CDH10: variants seen among roughly 807,000 people sequenced by gnomAD.
The protein encoded by CDH10 is cadherin 10.
In CDH10, 30 loss-of-function variants were observed where a neutral mutation model predicts 73.1. That is an observed-to-expected ratio of 0.41 (90% CI 0.31 to 0.56). The LOEUF (loss-of-function observed/expected upper bound fraction) is 0.56. CDH10 is among the 20% of genes least tolerant of loss of function. The pLI is 0.27. For synonymous variants in CDH10, 345 were observed against 348.2 expected, an observed-to-expected ratio of 0.99 and a Z score of 0.10; for missense variants, 815 against 973.7, an observed-to-expected ratio of 0.84 and a Z score of 2.17.
Position 24,535,200 on chromosome 5 carries a change from C to T in CDH10, c.726G>A (p.Met242Ile), listed in dbSNP as rs1743906569. 6.2e-7 allele frequency: 1 copy of T among 1,613,382 alleles called. No homozygotes were observed. The highest frequency in any genetic ancestry group is 1.3e-5 in the African/African-American group (1 of 74,842). Residue 242 changes from methionine to isoleucine, a missense_variant, in exon 5 of 12, where the codon ATG becomes ATA. By Grantham distance (10) the Met-to-Ile change is conservative. This residue lies in a region of CDH10 where 516 missense variants were observed against 636.6 expected (regional missense o/e 0.81). Transcript: ENST00000264463. ...CCGATAAGCCTCCCATCTGGCCGCC[C>T]ATGTCTTTGGCCTGGATGACCACTT... is the stretch of plus-strand genomic sequence containing the variant. The part of the protein sequence containing the change: ...QYQVVIQAKD[M>I]GGQMGGLSGT...
intron 3 of CDH10, among the ~76,000 whole-genome samples, chr5:24,536,927 A>G (rs1743976342): frequency 6.6e-6 from 1 of 151,948 alleles, no homozygotes; most frequent in African/African-American, 2.4e-5. Context: ...AATTCTAATC[A>G]ATTTCCTCAA....
intron 1 of CDH10, among the ~76,000 whole-genome samples, chr5:24,621,651 T>C (rs1747319880): frequency 6.6e-6 from 1 of 152,208 alleles, no homozygotes; most frequent in Non-Finnish European, 1.5e-5. Context: ...GAAAGAGTCA[T>C]TTTGACTAAA....
At chr5:24,505,283 C>A (rs551532614) in intron 7 of CDH10, 35 bp from the exon 8 acceptor site, 1 of 1,591,562 alleles carries the variant, frequency 6.3e-7, no homozygotes, top group South Asian at 1.1e-5. Context: ...TACATGGCAG[C>A]ATTATTAATA....
chr5:24,586,896 G>C (rs1269780685), intron 2 of CDH10, among the ~76,000 whole-genome samples: 1 of 130,570 alleles, frequency 7.7e-6, no homozygotes, highest in Non-Finnish European at 1.6e-5. Context: ...CCAGGCTGGA[G>C]TGCAGTGGCG....
At chr5:24,555,757 G>A (rs6888670) in intron 2 of CDH10, among the ~76,000 whole-genome samples, 125,875 of 151,870 alleles carry the variant, frequency 0.83, 52,204 homozygotes, top group East Asian at 0.9. Flanking sequence ...AAATTAATCT[G>A]AGTGAATTAG....
At chr5:24,575,362 A>C (rs1044390786) in intron 2 of CDH10, among the ~76,000 whole-genome samples, 48 of 150,450 alleles carry the variant, frequency 3.2e-4, no homozygotes, top group Non-Finnish European at 6.9e-4. Flanking sequence ...CAACAAAAAA[A>C]AAAAAAAAAA....
chr5:24,599,838 C>G (rs1309258356), intron 1 of CDH10, among the ~76,000 whole-genome samples: 2 of 152,078 alleles, frequency 1.3e-5, no homozygotes, highest in East Asian at 3.9e-4. Context: ...CTTATCAGCA[C>G]TAATTTTTGA....
chr5:24,577,391 T>C (rs1434252870), intron 2 of CDH10, among the ~76,000 whole-genome samples: 1 of 151,948 alleles, frequency 6.6e-6, no homozygotes, highest in Admixed American at 6.6e-5. Context: ...AATATAGTTG[T>C]TCATTAATAC....
chr5:24,535,349 A>G (rs1414806543), intron 4 of CDH10, 70 bp from the exon 5 acceptor site: 10 of 1,425,424 alleles, frequency 7.0e-6, no homozygotes, highest in Admixed American at 2.3e-5. Context: ...TAAGTCCACA[A>G]AAAGTATTTT....
At chr5:24,550,891 C>A (rs954902448) in intron 2 of CDH10, among the ~76,000 whole-genome samples, 4 of 152,112 alleles carry the variant, frequency 2.6e-5, no homozygotes, top group Non-Finnish European at 5.9e-5. Context: ...CAACACAAAT[C>A]GTCCTAAGCC....
chr5:24,642,919 C>T (rs995180179), intron 1 of CDH10, among the ~76,000 whole-genome samples: 4 of 151,110 alleles, frequency 2.6e-5, no homozygotes, highest in Non-Finnish European at 5.9e-5. Context: ...GTATTTGAAA[C>T]CCAAGAAGTA....
At chr5:24,537,723 G>C (rs1029403732) in intron 2 of CDH10, 49 bp from the exon 3 acceptor site, 1 of 1,222,398 alleles carries the variant, frequency 8.2e-7, no homozygotes. Flanking sequence ...TAAAGGTGCA[G>C]GATGCTGAAA....
intron 2 of CDH10, among the ~76,000 whole-genome samples, chr5:24,555,217 G>A (rs1259023251): frequency 6.6e-6 from 1 of 152,134 alleles, no homozygotes; most frequent in African/African-American, 2.4e-5. Flanking sequence ...TGTGCCACTG[G>A]ATTTCCTAAA....
chr5:24,602,442 C>A (rs1746598222), intron 1 of CDH10, among the ~76,000 whole-genome samples: 1 of 152,156 alleles, frequency 6.6e-6, no homozygotes, highest in African/African-American at 2.4e-5. Flanking sequence ...TGCTGCTCAG[C>A]ATTTCCTGTC....
At chr5:24,631,264 T>G (rs1747696642) in intron 1 of CDH10, among the ~76,000 whole-genome samples, 1 of 152,104 alleles carries the variant, frequency 6.6e-6, no homozygotes, top group Non-Finnish European at 1.5e-5. Flanking sequence ...CTGTGAAATT[T>G]TCATAGTATA....
At chr5:24,604,888 A>C (rs879780306) in intron 1 of CDH10, among the ~76,000 whole-genome samples, 33 of 150,378 alleles carry the variant, frequency 2.2e-4, no homozygotes, top group Non-Finnish European at 3.4e-4. Flanking sequence ...AAAAAAAAAA[A>C]AAAAAAACAA....
At chr5:24,623,611 CAGG>C (rs1747390354) in intron 1 of CDH10, among the ~76,000 whole-genome samples, 1 of 152,078 alleles carries the variant, frequency 6.6e-6, no homozygotes, top group Admixed American at 6.6e-5. Flanking sequence ...TCAGGTCCAG[CAGG>C]AGTTTTTCAA....
intron 5 of CDH10, among the ~76,000 whole-genome samples, chr5:24,533,571 T>TC (rs559955379): frequency 4.3e-4 from 66 of 152,240 alleles, no homozygotes; most frequent in African/African-American, 1.5e-3. Flanking sequence ...ATACTTTTTT[T>TC]CTCCAGTAAT....
chr5:24,599,253 G>A (rs905229829), intron 1 of CDH10, among the ~76,000 whole-genome samples: 6 of 152,072 alleles, frequency 3.9e-5, no homozygotes, highest in Non-Finnish European at 5.9e-5. Flanking sequence ...AAAGATGTTC[G>A]TATAAAAGCC....
Sources: allele counts gnomAD v4.1 joint callset (sites outside exome capture counted in the v4.1 genomes callset), GRCh38; gene constraint gnomAD v4.1.1; regional missense constraint gnomAD v4.1.1; transcripts MANE v1.5; gene names NCBI Gene and HGNC (gene_info 2026-07-23, HGNC 2026-07-21).